Variants in MTARC2 observed in about 807,000 individuals in gnomAD.
MTARC2 encodes mitochondrial amidoxime reducing component 2, also known as MOCO sulphurase C-terminal domain containing 2.
A neutral mutation model predicts 35.6 loss-of-function variants in MTARC2; 27 were observed. That is an observed-to-expected ratio of 0.76 (90% CI 0.56 to 1.04). The LOEUF (loss-of-function observed/expected upper bound fraction) is 1.04. Ranked by LOEUF, MTARC2 falls within the 50% of genes least tolerant of loss-of-function variation. MTARC2 has a pLI of 0.00. For synonymous variants in MTARC2, 158 were observed against 167.1 expected (o/e 0.95, Z 0.42); for missense variants, 412 against 432.5 (o/e 0.95, Z 0.42).
rs1021394036 is a variant in MTARC2, at chr1:220,781,914, G to T, written c.*13G>T. 3 of 1,613,618 alleles carry T rather than the reference G, an allele frequency of 1.9e-6. No individual in the cohort carries two copies. Among genetic ancestry groups the T allele is most frequent in the African/African-American group, 2.7e-5 (2 of 74,912 alleles). On this transcript the variant is annotated 3_prime_UTR_variant, in exon 7 of 8. Transcript: ENST00000366913. ...TCGGATGGTGTAGTGATGAGTGATG[G>T]ATCCACTAGGGTGATATGGTAAAGG...
At chr1:220,748,857 G>GT (rs138903778) in intron 1 of MTARC2, 54 bp downstream of exon 1, 2 of 1,430,312 alleles carry the variant, frequency 1.4e-6, no homozygotes, top group African/African-American at 2.5e-5. Context: ...GATGAGGAGC[G>GT]GGGGGGCAGG....
chr1:220,783,122 T>C (rs1672127011), intron 7 of MTARC2, among the ~76,000 whole-genome samples: 1 of 152,222 alleles, frequency 6.6e-6, no homozygotes, highest in Non-Finnish European at 1.5e-5. Flanking sequence ...TTTCATAACA[T>C]ATTTCATCCG....
chr1:220,783,747 A>G (rs2102576447), intron 7 of MTARC2, among the ~76,000 whole-genome samples, 172 bp from the exon 8 acceptor site: 1 of 152,344 alleles, frequency 6.6e-6, no homozygotes, highest in South Asian at 2.1e-4. Context: ...CAGCTGACGT[A>G]GGGCCTGGGA....
intron 7 of MTARC2, among the ~76,000 whole-genome samples, chr1:220,782,827 T>C (rs1306253189): frequency 6.6e-6 from 1 of 152,236 alleles, no homozygotes; most frequent in Non-Finnish European, 1.5e-5. Context: ...AACTTCTCTT[T>C]AAGTCTCAGT....
intron 1 of MTARC2, 35 bp from the exon 2 acceptor site, chr1:220,754,912 A>G (rs1219742171): frequency 6.5e-7 from 1 of 1,533,470 alleles, no homozygotes; most frequent in East Asian, 2.3e-5. Flanking sequence ...GTGGAAGAGG[A>G]TTTTCTGAGT....
chr1:220,758,234 C>T (rs923557131), intron 2 of MTARC2, among the ~76,000 whole-genome samples: 4 of 152,060 alleles, frequency 2.6e-5, no homozygotes, highest in African/African-American at 4.8e-5. Flanking sequence ...CCACCCGCCT[C>T]GGCTTCCCAA....
rs1671482747 is a variant in MTARC2, at chr1:220,763,044, T to C, written c.744T>C (p.Phe248=). ...PNIVVTGCDA[F]EEDTWDELLI... is the part of the protein sequence containing the mutation. ...TTGTGGTGACCGGCTGTGATGCTTT[T>C]GAGGAGGTAAGCGACCCACTGCTTT... Residue 248 remains phenylalanine (F), a synonymous_variant, in exon 4 of 8, where the codon TTT becomes TTC. Coordinates refer to ENST00000366913, the MANE Select transcript of MTARC2 (RefSeq NM_017898.5). 1 of 1,614,020 alleles carries C rather than the reference T, an allele frequency of 6.2e-7. No homozygotes were observed. The highest frequency in any genetic ancestry group is 1.1e-5 in the South Asian group (1 of 91,088).
chr1:220,755,168 C>T (rs772631229), intron 2 of MTARC2, 48 bp downstream of exon 2: 2 of 1,520,794 alleles, frequency 1.3e-6, no homozygotes, highest in African/African-American at 1.4e-5. Flanking sequence ...CTTGGTTTCT[C>T]TTCAGGCTCC....
intron 7 of MTARC2, among the ~76,000 whole-genome samples, chr1:220,783,535 A>G (rs1276728529): frequency 6.6e-6 from 1 of 152,232 alleles, no homozygotes; most frequent in Non-Finnish European, 1.5e-5. Flanking sequence ...GGTTTTCCAT[A>G]TCACTCCGTC....
At chr1:220,779,256 ATG>A (rs772290439) in intron 4 of MTARC2, among the ~76,000 whole-genome samples, 14 of 152,288 alleles carry the variant, frequency 9.2e-5, no homozygotes, top group Non-Finnish European at 1.9e-4. Context: ...GTTTCTGTAT[ATG>A]TGTGTGTGCA....
At chr1:220,755,803 G>A (rs921348320) in intron 2 of MTARC2, among the ~76,000 whole-genome samples, 2 of 152,204 alleles carry the variant, frequency 1.3e-5, no homozygotes, top group Admixed American at 6.5e-5. Flanking sequence ...GCTCCAAGAT[G>A]TCAAAGCGTA....
At chr1:220,778,360 A>G (rs1360797632) in intron 4 of MTARC2, among the ~76,000 whole-genome samples, 2 of 152,180 alleles carry the variant, frequency 1.3e-5, no homozygotes, top group East Asian at 1.9e-4. Context: ...GAAGCTTCCA[A>G]TCATGGTGGA....
chr1:220,768,701 T>C (rs1671650956), intron 4 of MTARC2, among the ~76,000 whole-genome samples: 1 of 152,042 alleles, frequency 6.6e-6, no homozygotes, highest in Admixed American at 6.6e-5. Flanking sequence ...CAGTAAAAAA[T>C]GGAGAAGAAG....
At chr1:220,758,283 A>G (rs559510248) in intron 2 of MTARC2, among the ~76,000 whole-genome samples, 1 of 151,580 alleles carries the variant, frequency 6.6e-6, no homozygotes, top group Non-Finnish European at 1.5e-5. Context: ...ACGCCCGGCC[A>G]CTTATTTTTT....
At chr1:220,776,908 C>T (rs1671933215) in intron 4 of MTARC2, among the ~76,000 whole-genome samples, 2 of 152,176 alleles carry the variant, frequency 1.3e-5, no homozygotes, top group South Asian at 4.1e-4. Flanking sequence ...GGTAGGTGCC[C>T]AGCCTTCCTG....
intron 4 of MTARC2, among the ~76,000 whole-genome samples, chr1:220,776,902 G>T (rs17008667): frequency 0.016 from 2,460 of 152,290 alleles, 43 homozygotes; most frequent in East Asian, 0.056. Context: ...TCGTGTGGTA[G>T]GTGCCCAGCC....
chr1:220,753,839 C>T (rs1041501729), intron 1 of MTARC2, among the ~76,000 whole-genome samples: 5 of 152,160 alleles, frequency 3.3e-5, no homozygotes, highest in African/African-American at 1.2e-4. Context: ...CACTTGAGGC[C>T]ATGAGTTCAA....
At chr1:220,782,017 C>A in intron 7 of MTARC2, 85 bp downstream of exon 7, 1 of 1,165,600 alleles carries the variant, frequency 8.6e-7, no homozygotes, top group South Asian at 1.8e-5. Flanking sequence ...TGTTATGCTG[C>A]TTTAATTCTT....
intron 7 of MTARC2, 132 bp downstream of exon 7, chr1:220,782,064 T>C: frequency 3.7e-6 from 3 of 815,542 alleles, no homozygotes; most frequent in South Asian, 2.4e-5. Flanking sequence ...ATCTTTGGAG[T>C]TGGAAAATGC....
Sources: gnomAD v4.1 joint callset for allele counts (sites outside exome capture counted in the v4.1 genomes callset) on GRCh38, gnomAD v4.1.1 for gene constraint, MANE v1.5 for transcripts, NCBI Gene and HGNC (gene_info 2026-07-23, HGNC 2026-07-21) for gene names.